Variants in AXDND1 observed in about 807,000 individuals in gnomAD.
AXDND1 encodes axonemal dynein light chain domain containing 1.
In AXDND1, 110 loss-of-function variants were observed where a neutral mutation model predicts 137.5. That is an observed-to-expected ratio of 0.80 (90% confidence interval 0.69 to 0.94). The LOEUF is 0.94. Among genes scored for constraint, AXDND1 ranks in the 40% least tolerant of loss-of-function variants. The pLI, the probability that AXDND1 is intolerant of heterozygous loss-of-function variation, is 0.00. For missense variants in AXDND1, 1,191 were observed against 1,169.8 expected (o/e 1.02, Z -0.26); for synonymous variants, 414 against 399.7 (o/e 1.04, Z -0.43).
At chr1:179,477,610 T>C (rs1320304093) in intron 17 of AXDND1, among the ~76,000 whole-genome samples, 5 of 152,062 alleles carry the variant, frequency 3.3e-5, no homozygotes. Flanking sequence ...TGCCACAACA[T>C]GAGGGAATTT....
chr1:179,424,284 C>T (rs567789915), intron 12 of AXDND1, among the ~76,000 whole-genome samples: 17 of 152,084 alleles, frequency 1.1e-4, no homozygotes, highest in East Asian at 9.7e-4. Flanking sequence ...GCTGCTTTTA[C>T]GGTCATCTTT....
At chr1:179,378,277 G>T (rs549456454) in intron 4 of AXDND1, among the ~76,000 whole-genome samples, 1 of 152,290 alleles carries the variant, frequency 6.6e-6, no homozygotes, top group South Asian at 2.1e-4. Context: ...GGGATGTAGA[G>T]TTGGAGATAC....
chr1:179,463,506 T>C (rs982388523), intron 16 of AXDND1, among the ~76,000 whole-genome samples: 2 of 152,214 alleles, frequency 1.3e-5, no homozygotes, highest in African/African-American at 4.8e-5. Flanking sequence ...ATTTCTATTC[T>C]TTTTCATTTA....
chr1:179,523,472 T>C (rs536471407), intron 21 of AXDND1, among the ~76,000 whole-genome samples: 2 of 152,306 alleles, frequency 1.3e-5, no homozygotes, highest in Admixed American at 1.3e-4. Context: ...ATAATCACTA[T>C]TGAATTCCAG....
intron 18 of AXDND1, among the ~76,000 whole-genome samples, chr1:179,484,846 G>A (rs957438119): frequency 1.7e-4 from 26 of 152,190 alleles, no homozygotes; most frequent in African/African-American, 5.8e-4. Flanking sequence ...AAGGAGACCA[G>A]TGGCCCCACA....
At chr1:179,491,148 A>G (rs1174430282) in intron 18 of AXDND1, among the ~76,000 whole-genome samples, 2 of 152,142 alleles carry the variant, frequency 1.3e-5, no homozygotes, top group East Asian at 3.9e-4. Context: ...ACATGGTGAA[A>G]GCCCATTTCT....
chr1:179,488,014 A>AAAAG (rs1320560418), intron 18 of AXDND1, among the ~76,000 whole-genome samples: 19,451 of 127,960 alleles, frequency 0.15, 2,631 homozygotes, highest in Non-Finnish European at 0.21. Context: ...AAAAAAAAAA[A>AAAAG]AGAGAAATTT....
rs566649435 is a variant in AXDND1 at position 179,492,309 on chromosome 1, A to G, written c.2292-546A>G. 3.9e-5 allele frequency among the ~76,000 whole-genome samples: 6 copies of G among 152,150 alleles called. No individual in the cohort carries two copies. In the South Asian group the frequency reaches 1.0e-3, roughly 26 times the overall value. On this transcript the variant is annotated intron_variant, in intron 19 of 25. Transcript: ENST00000367618. Reference sequence around the variant, plus strand: ...AGGCTGGTCTCGAACTCCTGATCTCAAGTGATCTGCCCACCTTGGCCTCCC... The same window carrying G: ...AGGCTGGTCTCGAACTCCTGATCTCGAGTGATCTGCCCACCTTGGCCTCCC...
At chr1:179,467,914 A>C (rs999778604) in intron 16 of AXDND1, among the ~76,000 whole-genome samples, 7 of 152,224 alleles carry the variant, frequency 4.6e-5, no homozygotes, top group African/African-American at 1.7e-4. Context: ...CCATAATCTC[A>C]TAGTGAATCA....
chr1:179,470,847 C>T (rs1663833385), intron 17 of AXDND1, among the ~76,000 whole-genome samples: 1 of 152,076 alleles, frequency 6.6e-6, no homozygotes, highest in African/African-American at 2.4e-5. Flanking sequence ...GAAATGCATC[C>T]AGTCTTTCAC....
At chr1:179,509,857 G>A (rs575995423) in intron 21 of AXDND1, among the ~76,000 whole-genome samples, 1 of 152,174 alleles carries the variant, frequency 6.6e-6, no homozygotes, top group East Asian at 1.9e-4. Flanking sequence ...TCTAAAACAT[G>A]GTCATTTCTC....
At position 179,462,907 on chromosome 1, in the gene AXDND1, C is replaced by T. The variant is rs558335735; in HGVS notation, c.1799-5536C>T. Reference sequence around the variant, plus strand: ...TCTTCTAGATTTTCTAGTTTATTTGCGTAGAGGTGTTTATAGTATTCTCTG... The same window carrying T: ...TCTTCTAGATTTTCTAGTTTATTTGTGTAGAGGTGTTTATAGTATTCTCTG... On this transcript the variant is annotated intron_variant, in intron 16 of 25. Coordinates refer to ENST00000367618, the MANE Select transcript of AXDND1 (RefSeq NM_144696.6). Among the ~76,000 whole-genome samples, 9 of 152,182 alleles carry T rather than the reference C, an allele frequency of 5.9e-5. No homozygotes were observed. In the South Asian group the frequency reaches 6.2e-4, roughly 11 times the overall value.
intron 16 of AXDND1, among the ~76,000 whole-genome samples, chr1:179,467,475 G>A (rs1240306458): frequency 6.6e-6 from 1 of 152,128 alleles, no homozygotes; most frequent in Non-Finnish European, 1.5e-5. Context: ...CATCTGCATT[G>A]TATTAGGTTA....
At chr1:179,484,428 C>T (rs998861443) in intron 18 of AXDND1, among the ~76,000 whole-genome samples, 5 of 152,172 alleles carry the variant, frequency 3.3e-5, no homozygotes, top group African/African-American at 1.2e-4. Flanking sequence ...GGGCCAGTTT[C>T]ACCTGAGCAC....
intron 25 of AXDND1, among the ~76,000 whole-genome samples, chr1:179,546,839 G>A (rs771232968): frequency 6.6e-6 from 1 of 152,138 alleles, no homozygotes; most frequent in Non-Finnish European, 1.5e-5. Context: ...CAGCAACTCA[G>A]TGCGCGTGGG....
At chr1:179,460,866 T>C (rs144683661) in intron 16 of AXDND1, among the ~76,000 whole-genome samples, 9,567 of 152,328 alleles carry the variant, frequency 0.063, 358 homozygotes, top group African/African-American at 0.07. Context: ...CAAGTGTCTG[T>C]TCATATCCTT....
At chr1:179,463,941 C>A (rs1662744669) in intron 16 of AXDND1, among the ~76,000 whole-genome samples, 1 of 150,862 alleles carries the variant, frequency 6.6e-6, no homozygotes, top group Admixed American at 6.6e-5. Flanking sequence ...AGGATTGCAA[C>A]CTCTGCTGTT....
At chr1:179,504,788 C>T (rs567507327) in intron 20 of AXDND1, among the ~76,000 whole-genome samples, 1 of 152,256 alleles carries the variant, frequency 6.6e-6, no homozygotes, top group South Asian at 2.1e-4. Flanking sequence ...TAACCGTTCT[C>T]TAGTGATTTC....
chr1:179,486,938 A>G (rs992761629), intron 18 of AXDND1, among the ~76,000 whole-genome samples: 3 of 148,770 alleles, frequency 2.0e-5, no homozygotes, highest in Admixed American at 6.6e-5. Flanking sequence ...AGCTAACAAC[A>G]TGATGACAGG....
Sources: gnomAD v4.1 joint callset for allele counts (sites outside exome capture counted in the v4.1 genomes callset) on GRCh38, gnomAD v4.1.1 for gene constraint, MANE v1.5 for transcripts, NCBI Gene and HGNC (gene_info 2026-07-23, HGNC 2026-07-21) for gene names.